SATB2: variants seen among roughly 807,000 people sequenced by gnomAD.
SATB2 encodes SATB homeobox 2.
A neutral mutation model predicts 73.4 loss-of-function variants in SATB2; 1 was observed. That is an observed-to-expected ratio of 0.01 (90% CI 0.00 to 0.06). SATB2 has a LOEUF of 0.06. SATB2 is among the 10% of genes least tolerant of loss of function. SATB2 has a pLI of 1.00. For missense variants in SATB2, 459 were observed against 945.8 expected, an observed-to-expected ratio of 0.49 and a Z score of 6.75; for synonymous variants, 397 against 367.0, an observed-to-expected ratio of 1.08 and a Z score of -0.93.
At chr2:199,454,548 A>G (rs1692219304) in intron 2 of SATB2, among the ~76,000 whole-genome samples, 2 of 152,122 alleles carry the variant, frequency 1.3e-5, no homozygotes, top group South Asian at 2.1e-4. Flanking sequence ...TTTTGCTTCA[A>G]TAAAGTATAT....
At chr2:199,378,476 AG>A (rs1689667569) in intron 5 of SATB2, among the ~76,000 whole-genome samples, 1 of 152,214 alleles carries the variant, frequency 6.6e-6, no homozygotes, top group Non-Finnish European at 1.5e-5. Flanking sequence ...GTATGTAACA[AG>A]GCTTTAACAT....
chr2:199,355,112 T>C (rs1015640631), intron 6 of SATB2, among the ~76,000 whole-genome samples: 17 of 151,838 alleles, frequency 1.1e-4, no homozygotes, highest in Admixed American at 5.3e-4. Flanking sequence ...ATCCCTGATA[T>C]ATATTTATAT....
At position 199,279,723 on chromosome 2, in the gene SATB2, C is replaced by T. The variant is rs572577698; in HGVS notation, c.1741-7051G>A. ...ACACAAACAAAATGACTTTTATCCA[C>T]GTTTATTTTGGGTTAATATTAGAAT... On this transcript the variant is annotated intron_variant, in intron 10 of 10. Transcript: ENST00000417098. 7.9e-5 allele frequency among the ~76,000 whole-genome samples: 12 copies of T among 152,218 alleles called. No homozygotes were observed. In the South Asian group the frequency reaches 1.7e-3, roughly 21 times the overall value.
intron 3 of SATB2, among the ~76,000 whole-genome samples, chr2:199,383,970 G>A (rs1489082627): frequency 6.6e-6 from 1 of 152,118 alleles, no homozygotes; most frequent in Admixed American, 6.5e-5. Context: ...GTGGTTGCAT[G>A]GTTATACAAA....
At chr2:199,341,908 A>C (rs745337708) in intron 7 of SATB2, among the ~76,000 whole-genome samples, 10 of 152,232 alleles carry the variant, frequency 6.6e-5, no homozygotes, top group Admixed American at 2.6e-4. Flanking sequence ...AGGACAGGGA[A>C]GAGAAGAAAT....
intron 10 of SATB2, among the ~76,000 whole-genome samples, chr2:199,286,759 G>C (rs1692700734): frequency 6.6e-6 from 1 of 152,184 alleles, no homozygotes; most frequent in Admixed American, 6.5e-5. Context: ...ACAGATTAAA[G>C]TGTCTTTAAA....
intron 3 of SATB2, among the ~76,000 whole-genome samples, chr2:199,384,815 T>C (rs1689880371): frequency 6.6e-6 from 1 of 152,230 alleles, no homozygotes; most frequent in African/African-American, 2.4e-5. Context: ...AGATTAAATG[T>C]AAAAATTATT....
intron 7 of SATB2, among the ~76,000 whole-genome samples, chr2:199,338,474 G>A (rs1688403894): frequency 1.3e-5 from 2 of 152,036 alleles, no homozygotes; most frequent in Non-Finnish European, 2.9e-5. Flanking sequence ...TGTGTAAAAT[G>A]AGTCAATCAT....
At chr2:199,461,836 C>T (rs143874589), upstream of SATB2, among the ~76,000 whole-genome samples, 684 of 152,348 alleles carry the variant, frequency 4.5e-3, 5 homozygotes, top group African/African-American at 0.016. Flanking sequence ...TTCTCTCTGT[C>T]AGGCCTTCTT....
At chr2:199,328,365 A>AC (rs1203817636) in intron 8 of SATB2, among the ~76,000 whole-genome samples, 1 of 151,984 alleles carries the variant, frequency 6.6e-6, no homozygotes, top group Non-Finnish European at 1.5e-5. Context: ...ACATGGTGAA[A>AC]CCCCATCCCT....
At chr2:199,332,006 A>G (rs528452599) in intron 7 of SATB2, among the ~76,000 whole-genome samples, 1 of 152,288 alleles carries the variant, frequency 6.6e-6, no homozygotes, top group Admixed American at 6.5e-5. Flanking sequence ...CCTGGGATAC[A>G]GAAAATGTGG....
intron 3 of SATB2, among the ~76,000 whole-genome samples, chr2:199,403,128 A>C (rs774829033): frequency 6.6e-6 from 1 of 152,206 alleles, no homozygotes; most frequent in Non-Finnish European, 1.5e-5. Context: ...AAAACATAGA[A>C]TGACACCCAC....
At chr2:199,367,006 C>A (rs187244370) in intron 6 of SATB2, among the ~76,000 whole-genome samples, 28 of 152,188 alleles carry the variant, frequency 1.8e-4, no homozygotes, top group Non-Finnish European at 3.5e-4. Context: ...GAATTACACT[C>A]CAGCCTATTA....
At chr2:199,279,671 G>T (rs2007258) in intron 10 of SATB2, among the ~76,000 whole-genome samples, 1 of 152,048 alleles carries the variant, frequency 6.6e-6, no homozygotes, top group Non-Finnish European at 1.5e-5. Flanking sequence ...GGTCCTGTAG[G>T]GTAAGGTATA....
chr2:199,307,028 T>C (rs906090516), intron 10 of SATB2, among the ~76,000 whole-genome samples: 2 of 152,120 alleles, frequency 1.3e-5, no homozygotes, highest in Admixed American at 6.5e-5. Flanking sequence ...GAAAAGTCAG[T>C]GGTTCCCTGA....
At chr2:199,431,724 G>A (rs1691506771) in intron 3 of SATB2, among the ~76,000 whole-genome samples, 1 of 152,092 alleles carries the variant, frequency 6.6e-6, no homozygotes, top group African/African-American at 2.4e-5. Context: ...CCTTCCCTCA[G>A]TATGTGCCAA....
chr2:199,365,703 A>G (rs1689263190), intron 6 of SATB2, among the ~76,000 whole-genome samples: 1 of 152,120 alleles, frequency 6.6e-6, no homozygotes, highest in Non-Finnish European at 1.5e-5. Context: ...TAGTTTTTAC[A>G]TCTGTTTTTA....
At chr2:199,370,110 G>A (rs1337058761) in intron 5 of SATB2, among the ~76,000 whole-genome samples, 1 of 152,126 alleles carries the variant, frequency 6.6e-6, no homozygotes, top group African/African-American at 2.4e-5. Flanking sequence ...TAATCTCCTG[G>A]AGACAGTCTT....
chr2:199,323,101 T>C (rs1019521708), intron 9 of SATB2, among the ~76,000 whole-genome samples: 6 of 152,104 alleles, frequency 3.9e-5, no homozygotes, highest in South Asian at 2.1e-4. Flanking sequence ...TTGAAGCAGA[T>C]AGTAGATCCC....
Sources: gnomAD v4.1 joint callset for allele counts (sites outside exome capture counted in the v4.1 genomes callset) on GRCh38, gnomAD v4.1.1 for gene constraint, MANE v1.5 for transcripts, NCBI Gene and HGNC (gene_info 2026-07-23, HGNC 2026-07-21) for gene names.